Variants in DYNLT2 observed in about 807,000 individuals in gnomAD.
The protein encoded by DYNLT2 is dynein light chain Tctex-type 2, also known as dynein light chain Tctex-type protein 2.
Under a neutral mutation model 24.3 loss-of-function variants are expected in DYNLT2, and 24 were observed. The observed-to-expected ratio is 0.99, with a 90% CI of 0.71 to 1.39. The LOEUF is 1.39. Ranked by LOEUF, DYNLT2 falls within the 40% of genes most tolerant of loss-of-function variation. The probability of loss-of-function intolerance (pLI) is 0.00; values close to 1 mark genes in which losing one functional copy is unlikely to be tolerated. For missense variants in DYNLT2, 246 were observed against 234.5 expected (o/e 1.05, Z -0.32); for synonymous variants, 85 against 85.4 (o/e 1.00, Z 0.03).
At chr6:169,733,668 A>G in the DYNLT2 span, among the ~76,000 whole-genome samples, 1 of 152,216 alleles carries the variant, frequency 6.6e-6, no homozygotes, top group Non-Finnish European at 1.5e-5. Flanking sequence ...TACCAGTACC[A>G]TGCTGTTTTG....
chr6:169,730,689 G>A, the DYNLT2 span, among the ~76,000 whole-genome samples: 31 of 152,306 alleles, frequency 2.0e-4, no homozygotes, highest in South Asian at 3.9e-3. Flanking sequence ...ACGAAGTCAG[G>A]AGATCGAGAC....
chr6:169,730,817 G>C, the DYNLT2 span, among the ~76,000 whole-genome samples: 2 of 152,334 alleles, frequency 1.3e-5, no homozygotes, highest in South Asian at 2.1e-4. Flanking sequence ...AGAATGGTGT[G>C]AACCTGGGAG....
chr6:169,738,487 G>A (rs7762260), downstream of DYNLT2, among the ~76,000 whole-genome samples: 15,346 of 152,188 alleles, frequency 0.1, 819 homozygotes, highest in Middle Eastern at 0.11. Context: ...AGTTTCCCTG[G>A]CTGGGTAGCA....
intron 2 of DYNLT2, 98 bp from the exon 3 acceptor site, chr6:169,743,336 C>G (rs1789723380): frequency 1.8e-6 from 1 of 550,084 alleles, no homozygotes; most frequent in East Asian, 3.8e-5. Context: ...ATATATATAA[C>G]TGTTTTAAAA....
chr6:169,730,155 G>A, the DYNLT2 span, among the ~76,000 whole-genome samples: 6 of 152,304 alleles, frequency 3.9e-5, no homozygotes, highest in South Asian at 1.2e-3. Context: ...TATTCTGAAA[G>A]TGAAAATTGC....
At chr6:169,739,889 G>T (rs57250597), downstream of DYNLT2, among the ~76,000 whole-genome samples, 19,025 of 151,936 alleles carry the variant, frequency 0.13, 2,754 homozygotes, top group African/African-American at 0.35. Context: ...TTACAAAAAT[G>T]ATATTTTCCC....
At chr6:169,737,344 A>G (rs1585315240), downstream of DYNLT2, among the ~76,000 whole-genome samples, 1 of 152,300 alleles carries the variant, frequency 6.6e-6, no homozygotes, top group East Asian at 1.9e-4. Flanking sequence ...TCCTCCGTCC[A>G]GTTCTGTGCC....
At chr6:169,736,962 G>A (rs531886129), downstream of DYNLT2, among the ~76,000 whole-genome samples, 1 of 152,208 alleles carries the variant, frequency 6.6e-6, no homozygotes, top group East Asian at 1.9e-4. Flanking sequence ...ATCAATCGTA[G>A]GTTTGGCCTT....
chr6:169,725,564 C>T, the DYNLT2 span: 1 of 377,934 alleles, frequency 2.6e-6, no homozygotes, highest in African/African-American at 2.1e-5. Context: ...CACTTCTTGT[C>T]TGAATCTGCC....
chr6:169,730,690 A>G, the DYNLT2 span, among the ~76,000 whole-genome samples: 3 of 152,120 alleles, frequency 2.0e-5, no homozygotes, highest in African/African-American at 4.8e-5. Context: ...CGAAGTCAGG[A>G]GATCGAGACC....
intron 1 of DYNLT2, chr6:169,750,117 T>C (rs775064890): frequency 2.6e-5 from 4 of 152,340 alleles, no homozygotes; most frequent in Non-Finnish European, 4.4e-5. Flanking sequence ...TTAACCTATA[T>C]ACCAGGTGCA....
chr6:169,734,622 C>T, the DYNLT2 span, among the ~76,000 whole-genome samples: 4 of 152,200 alleles, frequency 2.6e-5, no homozygotes, highest in African/African-American at 4.8e-5. Flanking sequence ...AGCCTTGCAT[C>T]CCAGGGATGA....
At chr6:169,740,384 G>T in intron 3 of DYNLT2, 89 bp from the exon 4 acceptor site, 1 of 756,270 alleles carries the variant, frequency 1.3e-6, no homozygotes. Context: ...AAAAATGAAT[G>T]CATCAGTATC....
rs1418857742 is a variant in DYNLT2 at position 169,751,384 on chromosome 6, C to T, written c.75G>A (p.Val25=). Residue 25 remains valine (V), a synonymous_variant, in exon 1 of 4, where the codon GTG becomes GTA. Transcript: ENST00000366774. ...TAGGCCTCCTTTCTTTCCTAGGCGT[C>T]ACCGGAGCCTGCTGAGGGGTCTGGT... The part of the protein sequence containing the change: ...TPNQTPQQAP[V]TPRKERRPSM... 1 of 1,614,090 alleles carries T rather than the reference C, an allele frequency of 6.2e-7. No individual in the cohort carries two copies. The highest frequency in any genetic ancestry group is 1.3e-5 in the African/African-American group (1 of 74,950).
In DYNLT2 at chr6:169,751,547, C is replaced by T; in HGVS notation, c.-89G>A. ...CAGTCCCGCGAGGGCGGAAGTCTCC[C>T]ACCTGCGCCTCGTACGGTAGGAAGT... On this transcript the variant is annotated 5_prime_UTR_variant, in exon 1 of 4. Transcript: ENST00000366774. 3 of 1,610,568 alleles carry T rather than the reference C, an allele frequency of 1.9e-6. No individual in the cohort carries two copies. Among genetic ancestry groups the T allele is most frequent in the South Asian group, 2.2e-5 (2 of 90,796 alleles).
chr6:169,726,296 G>T, the DYNLT2 span, among the ~76,000 whole-genome samples: 36 of 151,322 alleles, frequency 2.4e-4, no homozygotes, highest in Non-Finnish European at 3.7e-4. Context: ...GCTTAGGTGG[G>T]AAAACAACTA....
the DYNLT2 span, among the ~76,000 whole-genome samples, chr6:169,727,518 C>T: frequency 3.9e-4 from 60 of 151,924 alleles, no homozygotes; most frequent in Non-Finnish European, 8.2e-4. Flanking sequence ...AGAAGGTGGT[C>T]GCAGCTGCAA....
intron 2 of DYNLT2, 45 bp from the exon 3 acceptor site, chr6:169,743,283 A>G: frequency 8.3e-7 from 1 of 1,209,136 alleles, no homozygotes; most frequent in Non-Finnish European, 1.1e-6. Context: ...CAAACCAAAT[A>G]TTTTCTATAT....
chr6:169,733,764 T>C, the DYNLT2 span, among the ~76,000 whole-genome samples: 358 of 152,382 alleles, frequency 2.3e-3, no homozygotes, highest in Middle Eastern at 0.02. Context: ...GTCTTGGCTA[T>C]ATAGGGTCTT....
Sources: gnomAD v4.1 joint callset for allele counts (sites outside exome capture counted in the v4.1 genomes callset) on GRCh38, gnomAD v4.1.1 for gene constraint, MANE v1.5 for transcripts, NCBI Gene and HGNC (gene_info 2026-07-23, HGNC 2026-07-21) for gene names.